Variants in CNTN5 observed in about 807,000 individuals in gnomAD.
The protein encoded by CNTN5 is contactin 5.
Under a neutral mutation model 129.1 loss-of-function variants are expected in CNTN5, and 77 were observed. The ratio of observed to expected loss-of-function variants is 0.60; its 90% CI spans 0.50 to 0.72. CNTN5 has a LOEUF of 0.72. Ranked by LOEUF, CNTN5 falls within the 30% of genes least tolerant of loss-of-function variation. The pLI is 0.00. For synonymous variants in CNTN5, 509 were observed against 465.6 expected (o/e 1.09, Z -1.20); for missense variants, 1,478 against 1,328.8 (o/e 1.11, Z -1.75).
chr11:99,525,565 T>C (rs1947453229), intron 2 of CNTN5, among the ~76,000 whole-genome samples: 1 of 152,198 alleles, frequency 6.6e-6, no homozygotes, highest in Admixed American at 6.5e-5. Context: ...TAGATGGACT[T>C]GTTTGGCAAA....
At chr11:99,545,867 C>T (rs984737607) in intron 2 of CNTN5, among the ~76,000 whole-genome samples, 10 of 152,200 alleles carry the variant, frequency 6.6e-5, no homozygotes, top group Non-Finnish European at 1.3e-4. Flanking sequence ...GTGAGACATT[C>T]TCTCCCTGCA....
rs145277237 is a variant in CNTN5 at position 99,613,383 on chromosome 11, C to T, written c.55+57114C>T. Among the ~76,000 whole-genome samples the T allele has an allele frequency of 1.4e-3, 213 of 152,270 alleles. 1 individual carries two copies. Among genetic ancestry groups the T allele is most frequent in the African/African-American group, 5.0e-3 (209 of 41,554 alleles). ...AGAAGGGTCCTTGCTTCTCTTTCGC[C>T]TTCCGCCATGTTTGTGAGTTTTTCT... On this transcript the variant is annotated intron_variant, in intron 3 of 24. Transcript: ENST00000524871.
At chr11:99,288,646 G>A (rs1864042669) in intron 1 of CNTN5, among the ~76,000 whole-genome samples, 1 of 151,738 alleles carries the variant, frequency 6.6e-6, no homozygotes. Context: ...TCATTTCTGA[G>A]TTTCATTCTC....
chr11:99,599,675 C>A (rs1353049256), intron 3 of CNTN5, among the ~76,000 whole-genome samples: 1 of 152,088 alleles, frequency 6.6e-6, no homozygotes, highest in African/African-American at 2.4e-5. Flanking sequence ...AGACCAAATT[C>A]TTTGTGCAAA....
At chr11:99,211,715 C>T (rs921118060) in intron 1 of CNTN5, among the ~76,000 whole-genome samples, 21 of 151,632 alleles carry the variant, frequency 1.4e-4, no homozygotes, top group African/African-American at 4.1e-4. Context: ...TTTATGCTAT[C>T]GTATTTTCAG....
chr11:99,226,755 C>G (rs1860707613), intron 1 of CNTN5, among the ~76,000 whole-genome samples: 1 of 152,146 alleles, frequency 6.6e-6, no homozygotes, highest in Non-Finnish European at 1.5e-5. Flanking sequence ...TACTCACTTT[C>G]TGTTTCTTAT....
intron 1 of CNTN5, among the ~76,000 whole-genome samples, chr11:99,178,314 C>A (rs960289082): frequency 1.2e-4 from 15 of 125,470 alleles, no homozygotes; most frequent in Admixed American, 1.2e-3. Flanking sequence ...GACCTCATCT[C>A]CACACACACA....
intron 2 of CNTN5, among the ~76,000 whole-genome samples, chr11:99,395,302 C>G (rs1565546748): frequency 6.6e-6 from 1 of 151,786 alleles, no homozygotes; most frequent in Non-Finnish European, 1.5e-5. Context: ...TGGTGTCGAG[C>G]TTTTTTTATA....
intron 6 of CNTN5, among the ~76,000 whole-genome samples, chr11:99,906,209 G>C (rs895584979): frequency 6.6e-6 from 1 of 152,080 alleles, no homozygotes; most frequent in South Asian, 2.1e-4. Flanking sequence ...TCCTTGTCTT[G>C]TGCCGGTTTT....
chr11:99,098,393 T>C (rs953413792), intron 1 of CNTN5, among the ~76,000 whole-genome samples: 1 of 152,094 alleles, frequency 6.6e-6, no homozygotes, highest in Non-Finnish European at 1.5e-5. Context: ...GGAAGTCTGC[T>C]TTTTATTTCC....
intron 21 of CNTN5, among the ~76,000 whole-genome samples, chr11:100,322,361 T>G (rs1292557248): frequency 2.0e-5 from 3 of 151,994 alleles, no homozygotes; most frequent in African/African-American, 7.2e-5. Flanking sequence ...TAGCTGGGAC[T>G]ACAGGCGCCC....
At chr11:99,751,559 A>G (rs184740458) in intron 3 of CNTN5, among the ~76,000 whole-genome samples, 1 of 152,186 alleles carries the variant, frequency 6.6e-6, no homozygotes, top group Admixed American at 6.5e-5. Context: ...ATATAAATTC[A>G]ATGATAAAAC....
At chr11:99,423,956 T>C (rs912037427) in intron 2 of CNTN5, among the ~76,000 whole-genome samples, 1 of 152,176 alleles carries the variant, frequency 6.6e-6, no homozygotes, top group African/African-American at 2.4e-5. Context: ...CCTTAGAGTA[T>C]AACAGTTCCC....
chr11:100,252,461 T>C (rs1033640247), intron 16 of CNTN5, among the ~76,000 whole-genome samples: 7 of 152,300 alleles, frequency 4.6e-5, no homozygotes, highest in African/African-American at 1.7e-4. Context: ...CCTGTGCTTT[T>C]GAGATCTTAT....
At chr11:99,552,051 G>A (rs1948503756) in intron 2 of CNTN5, among the ~76,000 whole-genome samples, 1 of 151,684 alleles carries the variant, frequency 6.6e-6, no homozygotes, top group African/African-American at 2.4e-5. Flanking sequence ...GGTATTATAG[G>A]CAAGTGCCAC....
intron 3 of CNTN5, among the ~76,000 whole-genome samples, chr11:99,733,797 A>G (rs1308168935): frequency 1.3e-5 from 2 of 152,178 alleles, no homozygotes; most frequent in African/African-American, 4.8e-5. Context: ...CACACCAACA[A>G]TCATGCAAAT....
At chr11:99,650,527 T>G (rs1952115946) in intron 3 of CNTN5, among the ~76,000 whole-genome samples, 1 of 151,894 alleles carries the variant, frequency 6.6e-6, no homozygotes, top group Non-Finnish European at 1.5e-5. Flanking sequence ...TTTTAAAACA[T>G]AGATGTTACA....
chr11:99,362,945 A>G (rs558279531), intron 2 of CNTN5, among the ~76,000 whole-genome samples: 4 of 152,222 alleles, frequency 2.6e-5, no homozygotes, highest in African/African-American at 7.2e-5. Context: ...AAAACCAGAA[A>G]GCATGAGTCT....
intron 13 of CNTN5, among the ~76,000 whole-genome samples, chr11:100,165,643 T>C (rs1373182363): frequency 7.9e-5 from 12 of 151,716 alleles, no homozygotes; most frequent in Admixed American, 4.0e-4. Flanking sequence ...AGAAGTTGAA[T>C]CATCTTCCAT....
Sources: allele counts gnomAD v4.1 joint callset (sites outside exome capture counted in the v4.1 genomes callset), GRCh38; gene constraint gnomAD v4.1.1; transcripts MANE v1.5; gene names NCBI Gene and HGNC (gene_info 2026-07-23, HGNC 2026-07-21).